CAP1: variants seen among roughly 807,000 people sequenced by gnomAD.
The protein encoded by CAP1 is cyclase associated actin cytoskeleton regulatory protein 1.
A neutral mutation model predicts 58.2 loss-of-function variants in CAP1; 11 were observed. The observed-to-expected ratio is 0.19, with a 90% confidence interval of 0.12 to 0.31. The LOEUF (loss-of-function observed/expected upper bound fraction) is 0.31. Ranked by LOEUF, CAP1 falls within the 10% of genes least tolerant of loss-of-function variation. The probability of loss-of-function intolerance (pLI) is 1.00; values close to 1 mark genes in which losing one functional copy is unlikely to be tolerated. For missense variants in CAP1, 423 were observed against 587.5 expected, an observed-to-expected ratio of 0.72 and a Z score of 2.89; for synonymous variants, 183 against 213.8, an observed-to-expected ratio of 0.86 and a Z score of 1.26.
intron 1 of CAP1, among the ~76,000 whole-genome samples, chr1:40,043,488 A>C (rs1645939190): frequency 6.6e-6 from 1 of 151,804 alleles, no homozygotes; most frequent in South Asian, 2.1e-4. Flanking sequence ...GAGCCTCCGC[A>C]CCCGGCGTGA....
chr1:40,065,993 A>C (rs555648300), intron 6 of CAP1, among the ~76,000 whole-genome samples: 8 of 152,334 alleles, frequency 5.3e-5, no homozygotes, highest in African/African-American at 1.9e-4. Context: ...AGAGATAGAG[A>C]TAGAATCCAG....
At chr1:40,069,995 C>T (rs142186369) in intron 9 of CAP1, 121 bp downstream of exon 9, 107 of 1,385,854 alleles carry the variant, frequency 7.7e-5, no homozygotes, top group African/African-American at 5.7e-4. Flanking sequence ...CCGCAACCTC[C>T]GCCTCCCGGG....
chr1:40,051,846 G>A (rs575999591), intron 1 of CAP1, among the ~76,000 whole-genome samples: 1 of 152,294 alleles, frequency 6.6e-6, no homozygotes, highest in African/African-American at 2.4e-5. Context: ...TGGGATTACA[G>A]GCGTGAGCCA....
rs765846622 is a variant in CAP1 at position 40,070,248 on chromosome 1, G to A, written c.1083G>A (p.Leu361=). ...AYIYKCVNTT[L]QIKGKINSIT... ...TATACAAGTGTGTCAACACGACATT[G>A]CAAATCAAGGGCAAAATTAACTCCA... The change falls in exon 10 of 13, where the codon TTG becomes TTA. Residue 361 remains leucine, a synonymous_variant. Coordinates refer to ENST00000372805, the MANE Select transcript of CAP1 (RefSeq NM_006367.4). The A allele has an allele frequency of 1.2e-6, 2 of 1,614,194 alleles. No homozygotes were observed. The highest frequency in any genetic ancestry group is 8.5e-7 in the Non-Finnish European group (1 of 1,180,030).
chr1:40,063,489 AT>A (rs1473490053), intron 4 of CAP1, among the ~76,000 whole-genome samples: 3 of 151,504 alleles, frequency 2.0e-5, no homozygotes, highest in Non-Finnish European at 4.4e-5. Context: ...AATTCTTTTT[AT>A]TATTTGTAGA....
rs747641596 is a variant in CAP1, at chr1:40,067,658, A to G, written c.749A>G (p.Glu250Gly). 25 of 1,589,758 alleles carry G rather than the reference A, an allele frequency of 1.6e-5. No homozygotes were observed. Among genetic ancestry groups the G allele is most frequent in the Non-Finnish European group, 1.7e-5 (20 of 1,166,974 alleles). Reference protein sequence around the residue: ...PPVSTISCSYESASRSSLFAQ... With the variant: ...PPVSTISCSYGSASRSSLFAQ... Reference sequence around the variant, plus strand: ...GTCTCTACCATTTCATGCTCATATGAGTCTGCTTCCCGCTCATCACTGTTC... The same window carrying G: ...GTCTCTACCATTTCATGCTCATATGGGTCTGCTTCCCGCTCATCACTGTTC... Residue 250 changes from glutamate (E) to glycine (G), a missense_variant, in exon 8 of 13, where the codon GAG becomes GGG. Physicochemically the swap from Glu to Gly is moderately conservative, Grantham distance 98. Coordinates refer to ENST00000372805, the MANE Select transcript of CAP1 (RefSeq NM_006367.4).
chr1:40,069,262 G>A (rs1434397703), intron 8 of CAP1, among the ~76,000 whole-genome samples: 5 of 152,006 alleles, frequency 3.3e-5, no homozygotes, highest in Non-Finnish European at 7.4e-5. Flanking sequence ...ATATTGTAGA[G>A]TTGCAAATGC....
chr1:40,071,320 T>C, intron 12 of CAP1, 130 bp from the exon 13 acceptor site: 2 of 660,370 alleles, frequency 3.0e-6, no homozygotes, highest in Non-Finnish European at 5.4e-6. Context: ...GCTCTGTGGG[T>C]TTGTCTCTTG....
chr1:40,067,393 C>A (rs746497830), intron 7 of CAP1, 147 bp from the exon 8 acceptor site: 12 of 588,080 alleles, frequency 2.0e-5, no homozygotes, highest in Non-Finnish European at 2.9e-5. Context: ...GGCATAAAGC[C>A]AAGTTGGGTA....
At chr1:40,052,288 TA>T (rs1465002714) in intron 1 of CAP1, among the ~76,000 whole-genome samples, 1 of 152,208 alleles carries the variant, frequency 6.6e-6, no homozygotes, top group Non-Finnish European at 1.5e-5. Context: ...TATAATCCAT[TA>T]TGTGACTGTG....
intron 1 of CAP1, among the ~76,000 whole-genome samples, chr1:40,050,670 G>A (rs1646321543): frequency 6.6e-6 from 1 of 151,782 alleles, no homozygotes; most frequent in African/African-American, 2.4e-5. Context: ...AAAAATTACA[G>A]TAATAATAAA....
chr1:40,042,253 T>C (rs1230731769), intron 1 of CAP1, among the ~76,000 whole-genome samples: 1 of 152,160 alleles, frequency 6.6e-6, no homozygotes, highest in Non-Finnish European at 1.5e-5. Flanking sequence ...AAGAATACAG[T>C]TCTTCTGGAG....
rs1570436937 is a variant in CAP1 at position 40,070,492 on chromosome 1, A to T, written c.1180A>T (p.Ser394Cys). ...DVVGIVEIIN[S>C]KDVKVQVMGK... ...GGTGGGCATTGTGGAGATAATCAACAGTAAGGATGTCAAAGTTCAGGTAAC... is the reference window on the plus strand; with the variant it reads ...GGTGGGCATTGTGGAGATAATCAACTGTAAGGATGTCAAAGTTCAGGTAAC... The change falls in exon 11 of 13, where the codon AGT becomes TGT. Residue 394 changes from serine (S) to cysteine (C), a missense_variant. Transcript: ENST00000372805. 1 of 1,613,990 alleles carries T rather than the reference A, an allele frequency of 6.2e-7. No individual in the cohort carries two copies. Among genetic ancestry groups the T allele is most frequent in the African/African-American group, 1.3e-5 (1 of 75,036 alleles).
chr1:40,059,232 G>T (rs1646745888), intron 1 of CAP1, 105 bp from the exon 2 acceptor site: 6 of 626,528 alleles, frequency 9.6e-6, no homozygotes, highest in Non-Finnish European at 1.7e-5. Flanking sequence ...CTGAGAATTG[G>T]CATCCTCTTC....
chr1:40,071,889 A>G lies in CAP1; in HGVS notation c.*356A>G. The G allele has an allele frequency of 2.3e-6, 1 of 436,550 alleles. No individual in the cohort carries two copies. The allele number at this position is 436,550 out of a possible 1,614,324, so 27.0% of individuals were successfully genotyped here. A position where few individuals can be genotyped will look rare whatever the true frequency, so the allele number is the denominator to read the frequency against. ...AAAGAAAACAGTCCCTGGAATTAAC[A>G]GATCAGAATGTTCACACTGGTTAAT... On this transcript the variant is annotated 3_prime_UTR_variant, in exon 13 of 13. Coordinates refer to ENST00000372805, the MANE Select transcript of CAP1 (RefSeq NM_006367.4).
chr1:40,041,718 T>C lies in CAP1; in HGVS notation c.-11+917T>C, dbSNP rs577324389. On this transcript the variant is annotated intron_variant, in intron 1 of 12. Transcript: ENST00000372805. The stretch of plus-strand genomic sequence containing the variant: ...GGAATGCAGCTTTAAAACAAAACAA[T>C]GTAGACCCTGCCCGCGTGGAGCTAG... Among the ~76,000 whole-genome samples the C allele has an allele frequency of 2.6e-5, 4 of 152,298 alleles. No homozygotes were observed. The South Asian group carries it at 8.3e-4, about 32-fold the overall frequency.
At chr1:40,063,327 G>A (rs1014272618) in intron 4 of CAP1, among the ~76,000 whole-genome samples, 2 of 152,076 alleles carry the variant, frequency 1.3e-5, no homozygotes, top group African/African-American at 2.4e-5. Context: ...ACAGGCATGC[G>A]CCACCATGCC....
At chr1:40,062,402 C>G (rs1646888682) in intron 4 of CAP1, among the ~76,000 whole-genome samples, 1 of 152,052 alleles carries the variant, frequency 6.6e-6, no homozygotes, top group African/African-American at 2.4e-5. Context: ...TATTAAAACC[C>G]TTGACCCTCA....
intron 11 of CAP1, 57 bp from the exon 12 acceptor site, chr1:40,070,779 G>T: frequency 6.7e-7 from 1 of 1,499,574 alleles, no homozygotes; most frequent in South Asian, 1.2e-5. Context: ...CTTTTCCTGC[G>T]ACTTACTGTT....
Sources: allele counts gnomAD v4.1 joint callset (sites outside exome capture counted in the v4.1 genomes callset), GRCh38; gene constraint gnomAD v4.1.1; transcripts MANE v1.5; gene names NCBI Gene and HGNC (gene_info 2026-07-23, HGNC 2026-07-21).